The following EFHB variants were observed in gnomAD, a reference collection of about 807,000 sequenced individuals.
EFHB encodes the protein EF-hand domain-containing family member B.
Under a neutral mutation model 87.2 loss-of-function variants are expected in EFHB, and 91 were observed. That is an observed-to-expected ratio of 1.04 (90% CI 0.88 to 1.24). EFHB has a LOEUF of 1.24. Among genes scored for constraint, EFHB ranks in the 50% most tolerant of loss-of-function variants. The probability of loss-of-function intolerance (pLI) is 0.00; values close to 1 mark genes in which losing one functional copy is unlikely to be tolerated. For missense variants in EFHB, 1,084 were observed against 998.8 expected, an observed-to-expected ratio of 1.09 and a Z score of -1.15; for synonymous variants, 325 against 333.6, an observed-to-expected ratio of 0.97 and a Z score of 0.28.
intron 9 of EFHB, among the ~76,000 whole-genome samples, chr3:19,893,330 T>A (rs1471380847): frequency 6.6e-6 from 1 of 152,174 alleles, no homozygotes; most frequent in Non-Finnish European, 1.5e-5. Flanking sequence ...CAGAGATCTG[T>A]TTTATTCTCT....
chr3:19,929,231 G>T (rs940039056), intron 1 of EFHB, among the ~76,000 whole-genome samples: 1 of 149,966 alleles, frequency 6.7e-6, no homozygotes, highest in African/African-American at 2.5e-5. Context: ...AAGAGACAAG[G>T]TCTCACTATG....
intron 9 of EFHB, chr3:19,894,823 C>A (rs1028492741): frequency 6.6e-6 from 1 of 151,782 alleles, no homozygotes; most frequent in Non-Finnish European, 1.5e-5. Flanking sequence ...CCCGTCTCTA[C>A]TAAAAATACG....
intron 1 of EFHB, among the ~76,000 whole-genome samples, chr3:19,945,478 G>C (rs931864065): frequency 1.1e-4 from 16 of 152,170 alleles, no homozygotes; most frequent in Admixed American, 2.6e-4. Flanking sequence ...TTGATAGAAT[G>C]GACAATGGTT....
chr3:19,922,786 T>A (rs1695482407), intron 1 of EFHB, among the ~76,000 whole-genome samples: 1 of 152,210 alleles, frequency 6.6e-6, no homozygotes, highest in Admixed American at 6.5e-5. Context: ...CTCATAGAGA[T>A]CGTTGAGAAT....
In EFHB at chr3:19,918,085, T is replaced by C. The variant is rs1230637786; in HGVS notation, c.1177+147A>G. ...ACGTCAAGGATTTTGGTTCTGAGAGTAACTTTCTTGCAACAATCCCATCTT... is the reference window on the plus strand; with the variant it reads ...ACGTCAAGGATTTTGGTTCTGAGAGCAACTTTCTTGCAACAATCCCATCTT... On this transcript the variant is annotated intron_variant, in intron 4 of 12. Transcript: ENST00000295824. The C allele has an allele frequency of 5.3e-6, 5 of 950,096 alleles. No homozygotes were observed. In the South Asian group the frequency reaches 5.9e-5, roughly 11 times the overall value. The allele number at this position is 950,096 out of a possible 1,614,324, so 58.9% of individuals were successfully genotyped here.
chr3:19,888,576 G>A lies in EFHB; in HGVS notation c.1801C>T (p.Leu601Phe), dbSNP rs1195746333. 6.2e-7 allele frequency: 1 copy of A among 1,603,556 alleles called. No homozygotes were observed. Among genetic ancestry groups the A allele is most frequent in the East Asian group, 2.2e-5 (1 of 44,746 alleles). ...CAGTAGTCAAATAGCTGGTCCAGGAGCTTGTCATCTAAACTCAAGTTGGCC... is the reference window on the plus strand; with the variant it reads ...CAGTAGTCAAATAGCTGGTCCAGGAACTTGTCATCTAAACTCAAGTTGGCC... The part of the protein sequence containing the change: ...DQANLSLDDK[L>F]LDQLFDYCDV... Residue 601 changes from leucine to phenylalanine, a missense_variant, in exon 10 of 13, where the codon CTC (leucine) becomes TTC (phenylalanine). Coordinates refer to ENST00000295824, the MANE Select transcript of EFHB (RefSeq NM_144715.4).
upstream of EFHB, chr3:19,936,196 T>C: frequency 9.3e-7 from 1 of 1,076,268 alleles, no homozygotes; most frequent in Non-Finnish European, 1.4e-6. Context: ...ACGCCAAGAA[T>C]TCAATTAGCC....
chr3:19,915,100 T>G (rs1013359711), intron 5 of EFHB, among the ~76,000 whole-genome samples: 7 of 151,922 alleles, frequency 4.6e-5, no homozygotes. Context: ...AAAAAAAAAT[T>G]TAAATAAAAT....
In EFHB at chr3:19,919,896, T is replaced by A; in HGVS notation, c.933A>T (p.Arg311Ser). 1.2e-6 allele frequency: 2 copies of A among 1,613,754 alleles called. No homozygotes were observed. Among genetic ancestry groups the A allele is most frequent in the Non-Finnish European group, 8.5e-7 (1 of 1,179,716 alleles). The change falls in exon 3 of 13, where the codon AGA becomes AGT. Residue 311 changes from arginine (R) to serine (S), a missense_variant. Arg to Ser is a moderately radical substitution (Grantham distance 110). Transcript: ENST00000295824. The stretch of plus-strand genomic sequence containing the variant: ...AAGGTGCAATCTGGGGATCATTTGC[T>A]CTTCCGTAAAATACTCTTTCTACTC... ...PAGVERVFYG[R>S]ANDPQIAPYL...
intron 10 of EFHB, among the ~76,000 whole-genome samples, chr3:19,885,333 C>T (rs1239262422): frequency 1.3e-5 from 2 of 152,024 alleles, no homozygotes; most frequent in African/African-American, 2.4e-5. Context: ...GAAAATTCCA[C>T]ATCTACTTGA....
intron 5 of EFHB, among the ~76,000 whole-genome samples, chr3:19,913,133 C>T (rs1332304324): frequency 6.6e-6 from 1 of 152,094 alleles, no homozygotes; most frequent in Non-Finnish European, 1.5e-5. Context: ...CAACAGAACC[C>T]CAGCTAGTAT....
chr3:19,936,255 T>A (rs1178441509), upstream of EFHB: 2 of 734,602 alleles, frequency 2.7e-6, no homozygotes, highest in African/African-American at 1.7e-5. Flanking sequence ...GAGGCTGAAG[T>A]GGGAGGATCA....
chr3:19,924,216 C>CTTT (rs1281280539), intron 1 of EFHB, among the ~76,000 whole-genome samples: 3 of 141,420 alleles, frequency 2.1e-5, no homozygotes, highest in Non-Finnish European at 3.1e-5. Context: ...CTCTCTCTCT[C>CTTT]TTTTTTTTTT....
At chr3:19,938,671 G>A (rs1308830583), upstream of EFHB, among the ~76,000 whole-genome samples, 2 of 152,080 alleles carry the variant, frequency 1.3e-5, no homozygotes, top group Admixed American at 6.6e-5. Flanking sequence ...ATCTTAACTG[G>A]AATCTTGCAA....
At chr3:19,912,793 G>T (rs1445506404) in intron 5 of EFHB, among the ~76,000 whole-genome samples, 1 of 152,114 alleles carries the variant, frequency 6.6e-6, no homozygotes, top group Non-Finnish European at 1.5e-5. Flanking sequence ...GTGTTAAGTT[G>T]TTATCAGGTT....
chr3:19,908,586 G>A (rs181771137), intron 5 of EFHB, among the ~76,000 whole-genome samples: 1,985 of 101,450 alleles, frequency 0.02, 18 homozygotes, highest in Non-Finnish European at 0.029. Context: ...GAGAGAGAGA[G>A]AGAGAGAGAG....
chr3:19,879,650 T>C lies in EFHB; in HGVS notation c.2483A>G (p.Lys828Arg). ...LDELRHADRI[K>R]CKTLM ...AAAATATCACATGAGTGTTTTACAC[T>C]TGATCCGGTCTGCATGCCGTAGCTC... The change falls in exon 13 of 13, where the codon AAG (lysine) becomes AGG (arginine). Residue 828 changes from lysine to arginine, a missense_variant. Coordinates refer to ENST00000295824, the MANE Select transcript of EFHB (RefSeq NM_144715.4). The C allele has an allele frequency of 6.3e-7, 1 of 1,591,354 alleles. No individual in the cohort carries two copies. Among genetic ancestry groups the C allele is most frequent in the Non-Finnish European group, 8.5e-7 (1 of 1,172,098 alleles).
chr3:19,925,041 C>G (rs1695571459), intron 1 of EFHB, among the ~76,000 whole-genome samples: 1 of 151,804 alleles, frequency 6.6e-6, no homozygotes, highest in Non-Finnish European at 1.5e-5. Flanking sequence ...GTCAGGAGAT[C>G]AAGACCATCC....
intron 6 of EFHB, among the ~76,000 whole-genome samples, chr3:19,899,889 A>G (rs750528956): frequency 2.4e-4 from 37 of 152,008 alleles, no homozygotes; most frequent in Non-Finnish European, 4.9e-4. Flanking sequence ...CCTGGGCAAC[A>G]TGGCAAAACC....
Sources: allele counts gnomAD v4.1 joint callset (sites outside exome capture counted in the v4.1 genomes callset), GRCh38; gene constraint gnomAD v4.1.1; transcripts MANE v1.5; gene names NCBI Gene and HGNC (gene_info 2026-07-23, HGNC 2026-07-21).